Variants in DYNC2H1 observed in about 807,000 individuals in gnomAD.
The protein encoded by DYNC2H1 is dynein cytoplasmic 2 heavy chain 1.
A neutral mutation model predicts 570.0 loss-of-function variants in DYNC2H1; 410 were observed. That is an observed-to-expected ratio of 0.72 (90% CI 0.66 to 0.78). DYNC2H1 has a LOEUF of 0.78. Among genes scored for constraint, DYNC2H1 ranks in the 30% least tolerant of loss-of-function variants. DYNC2H1 has a pLI of 0.00. For synonymous variants in DYNC2H1, 1,688 were observed against 1,677.6 expected, an observed-to-expected ratio of 1.01 and a Z score of -0.15; for missense variants, 4,865 against 5,046.4, an observed-to-expected ratio of 0.96 and a Z score of 1.09.
intron 84 of DYNC2H1, among the ~76,000 whole-genome samples, chr11:103,433,081 T>G (rs1449520773): frequency 6.6e-6 from 1 of 152,166 alleles, no homozygotes; most frequent in African/African-American, 2.4e-5. Context: ...TCTCCTTTAT[T>G]GGTTTTTAAA....
chr11:103,285,466 A>G (rs1453861324), intron 73 of DYNC2H1, among the ~76,000 whole-genome samples: 1 of 137,514 alleles, frequency 7.3e-6, no homozygotes, highest in Non-Finnish European at 1.5e-5. Flanking sequence ...TCTGTTATCC[A>G]GGCTGGAGTG....
At chr11:103,253,638 T>C (rs1864928780) in intron 66 of DYNC2H1, among the ~76,000 whole-genome samples, 190 bp downstream of exon 66, 1 of 152,182 alleles carries the variant, frequency 6.6e-6, no homozygotes, top group Non-Finnish European at 1.5e-5. Flanking sequence ...ACCTGTACAT[T>C]TGATGCTAAT....
intron 79 of DYNC2H1, among the ~76,000 whole-genome samples, chr11:103,313,107 AT>A (rs1197049924): frequency 1.3e-5 from 2 of 152,192 alleles, no homozygotes; most frequent in African/African-American, 4.8e-5. Context: ...GAGTTTGGTT[AT>A]TACTTTGCTT....
chr11:103,225,449 C>A (rs1051574738), intron 59 of DYNC2H1, among the ~76,000 whole-genome samples: 1 of 152,114 alleles, frequency 6.6e-6, no homozygotes, highest in African/African-American at 2.4e-5. Flanking sequence ...GACGAGGATC[C>A]AGTTTCATTC....
intron 84 of DYNC2H1, among the ~76,000 whole-genome samples, chr11:103,420,555 G>C (rs2135714267): frequency 6.6e-6 from 1 of 152,280 alleles, no homozygotes; most frequent in Middle Eastern, 3.4e-3. Context: ...CAAGCCATAA[G>C]AGATTGGGGG....
At chr11:103,155,303 G>A in intron 24 of DYNC2H1, 28 bp from the exon 25 acceptor site, 1 of 1,525,806 alleles carries the variant, frequency 6.6e-7, no homozygotes, top group Non-Finnish European at 8.7e-7. Flanking sequence ...GTATACATAT[G>A]ACTTTTTCTT....
At chr11:103,475,280 T>G (rs1274279834) in intron 88 of DYNC2H1, among the ~76,000 whole-genome samples, 1 of 152,212 alleles carries the variant, frequency 6.6e-6, no homozygotes, top group Non-Finnish European at 1.5e-5. Context: ...TTTGAAGTCT[T>G]CCTAATATAT....
At chr11:103,121,960 A>T (rs2134720282) in intron 10 of DYNC2H1, among the ~76,000 whole-genome samples, 1 of 152,146 alleles carries the variant, frequency 6.6e-6, no homozygotes, top group South Asian at 2.1e-4. Context: ...CAAAAAAAAA[A>T]TATTGTAAAA....
At chr11:103,464,866 A>G (rs564117745) in intron 87 of DYNC2H1, among the ~76,000 whole-genome samples, 1 of 152,326 alleles carries the variant, frequency 6.6e-6, no homozygotes, top group Admixed American at 6.5e-5. Context: ...CTAAAACAAC[A>G]GTGAACCCCA....
intron 85 of DYNC2H1, among the ~76,000 whole-genome samples, chr11:103,449,877 T>A (rs1045983224): frequency 6.6e-6 from 1 of 152,100 alleles, no homozygotes; most frequent in Non-Finnish European, 1.5e-5. Flanking sequence ...TGATAGGTAT[T>A]TTAAAGTCAC....
At chr11:103,222,263 A>G in intron 58 of DYNC2H1, 110 bp downstream of exon 58, 1 of 742,182 alleles carries the variant, frequency 1.3e-6, no homozygotes, top group Non-Finnish European at 2.0e-6. Flanking sequence ...TAAAAATGAA[A>G]ATAAAAAATA....
At chr11:103,117,203 T>TTG (rs1054070177) in intron 5 of DYNC2H1, among the ~76,000 whole-genome samples, 1 of 146,654 alleles carries the variant, frequency 6.8e-6, no homozygotes, top group South Asian at 2.1e-4. Context: ...CTTGAGGAAA[T>TTG]TGTATATATA....
At chr11:103,358,094 T>A in intron 82 of DYNC2H1, 149 bp from the exon 83 acceptor site, 1 of 486,616 alleles carries the variant, frequency 2.1e-6, no homozygotes, top group South Asian at 4.6e-5. Flanking sequence ...TTAAGCCAAT[T>A]GAAGAGAGAT....
At chr11:103,272,613 A>G (rs1367525872) in intron 70 of DYNC2H1, among the ~76,000 whole-genome samples, 1 of 152,190 alleles carries the variant, frequency 6.6e-6, no homozygotes, top group Non-Finnish European at 1.5e-5. Flanking sequence ...ATTCTAGTGC[A>G]TCCTGCTTGA....
At chr11:103,140,372 G>A (rs185457431) in intron 17 of DYNC2H1, among the ~76,000 whole-genome samples, 7,213 of 151,958 alleles carry the variant, frequency 0.047, 235 homozygotes, top group Non-Finnish European at 0.068. Context: ...TCCATGTTGA[G>A]TGCTTCCTTC....
intron 59 of DYNC2H1, 26 bp from the exon 60 acceptor site, chr11:103,231,234 T>G (rs754113470): frequency 7.1e-7 from 1 of 1,401,990 alleles, no homozygotes; most frequent in African/African-American, 1.4e-5. Context: ...ATAGAATGAC[T>G]TGTATAATAT....
chr11:103,240,751 TTGG>T (rs1864395597), intron 63 of DYNC2H1, among the ~76,000 whole-genome samples: 1 of 152,136 alleles, frequency 6.6e-6, no homozygotes, highest in Non-Finnish European at 1.5e-5. Context: ...TTTACTGTTG[TTGG>T]AGTGATTTTT....
At chr11:103,215,290 A>G (rs997796637) in intron 54 of DYNC2H1, among the ~76,000 whole-genome samples, 9 of 152,166 alleles carry the variant, frequency 5.9e-5, no homozygotes, top group Non-Finnish European at 1.0e-4. Context: ...AGGGTTTGTC[A>G]TTTTTGGACT....
At chr11:103,287,785 C>A in intron 75 of DYNC2H1, 180 bp downstream of exon 75, 1 of 576,852 alleles carries the variant, frequency 1.7e-6, no homozygotes, top group Admixed American at 3.6e-5. Context: ...GGCATGGTGG[C>A]TCATTCTGTA....
Sources: allele counts gnomAD v4.1 joint callset (sites outside exome capture counted in the v4.1 genomes callset), GRCh38; gene constraint gnomAD v4.1.1; transcripts MANE v1.5; gene names NCBI Gene and HGNC (gene_info 2026-07-23, HGNC 2026-07-21).